Variants in ZNF407 observed in about 807,000 individuals in gnomAD.
ZNF407 encodes the protein zinc finger protein 407.
In ZNF407, 17 loss-of-function variants were observed where a neutral mutation model predicts 131.2. That is an observed-to-expected ratio of 0.13 (90% CI 0.09 to 0.19). ZNF407 has a LOEUF of 0.19. ZNF407 is among the 10% of genes least tolerant of loss of function. ZNF407 has a pLI of 1.00. For synonymous variants in ZNF407, 1,156 were observed against 1,062.0 expected (o/e 1.09, Z -1.72); for missense variants, 2,681 against 2,830.6 (o/e 0.95, Z 1.20).
chr18:75,063,502 A>G lies in ZNF407; in HGVS notation c.5781A>G (p.Gly1927=), dbSNP rs1336436519. ...SGAHVGSVVP[G]PILPEQLADG... ...CACATGTAGGCAGCGTGGTGCCCGG[A>G]CCCATCCTCCCCGAGCAGCTGGCTG... The change falls in exon 9 of 9, where the codon GGA becomes GGG. Residue 1927 remains glycine (G), a synonymous_variant. Transcript: ENST00000299687. This position sits in a 1 kb window ranked among gnomAD's most constrained non-coding sequence, Gnocchi z 6.6. 6.3e-7 allele frequency: 1 copy of G among 1,590,862 alleles called. No homozygotes were observed. Among genetic ancestry groups the G allele is most frequent in the South Asian group, 1.1e-5 (1 of 87,982 alleles).
intron 3 of ZNF407, among the ~76,000 whole-genome samples, chr18:74,701,251 A>G (rs997076621): frequency 8.5e-5 from 13 of 152,172 alleles, no homozygotes; most frequent in Non-Finnish European, 1.9e-4. Context: ...GAGCAGACTG[A>G]GACAGTAGGC....
chr18:74,779,110 T>TATATATATATATATATATATA (rs1555687155), intron 3 of ZNF407, among the ~76,000 whole-genome samples: 2 of 12,482 alleles, frequency 1.6e-4, no homozygotes, highest in Non-Finnish European at 2.8e-4. Flanking sequence ...TATATATATA[T>TATATATATATATATATATATA]TTTTTTTTTT....
At position 74,960,318 on chromosome 18, in the gene ZNF407, A is replaced by G. The variant is rs867422403; in HGVS notation, c.5428+39626A>G. On this transcript the variant is annotated intron_variant, in intron 8 of 8. Transcript: ENST00000299687. ...GAGTGCTTGGTGGAGGGATAGGAGA[A>G]GGTCCTGAGTGAGTGCTTGGTGGAG... is the stretch of plus-strand genomic sequence containing the variant. Among the ~76,000 whole-genome samples the G allele has an allele frequency of 8.0e-3, 1,145 of 143,054 alleles. 14 individuals carry two copies. The highest frequency in any genetic ancestry group is 0.028 in the African/African-American group (1,064 of 37,690). 93.8% of individuals were successfully genotyped at this position (143,054 alleles called of 152,430 possible).
intron 8 of ZNF407, among the ~76,000 whole-genome samples, chr18:74,981,575 C>T (rs569458065): frequency 1.4e-4 from 22 of 152,266 alleles, no homozygotes; most frequent in Middle Eastern, 3.4e-3. Flanking sequence ...TTCTCAAGTA[C>T]TTACTTCAAC....
intron 1 of ZNF407, among the ~76,000 whole-genome samples, chr18:74,621,043 C>T (rs1478561583): frequency 3.3e-5 from 5 of 152,152 alleles, no homozygotes; most frequent in South Asian, 2.1e-4. Context: ...TTTCAGGAAA[C>T]GTTAAGATAT....
intron 3 of ZNF407, among the ~76,000 whole-genome samples, chr18:74,759,908 T>TC (rs1262376374): frequency 6.6e-6 from 1 of 151,480 alleles, no homozygotes; most frequent in Non-Finnish European, 1.5e-5. Flanking sequence ...ACTGCTTTTT[T>TC]CCCCCAGTAT....
intron 3 of ZNF407, among the ~76,000 whole-genome samples, chr18:74,667,736 A>G (rs1173561414): frequency 6.6e-6 from 1 of 152,144 alleles, no homozygotes; most frequent in Admixed American, 6.5e-5. Flanking sequence ...CCTTTTATGA[A>G]CTGTGGTAAT....
intron 3 of ZNF407, among the ~76,000 whole-genome samples, chr18:74,650,256 T>C (rs1426294316): frequency 6.6e-6 from 1 of 152,192 alleles, no homozygotes; most frequent in Non-Finnish European, 1.5e-5. Context: ...AGCTGAAAAG[T>C]TCCTTTTCAG....
intron 3 of ZNF407, among the ~76,000 whole-genome samples, chr18:74,708,401 T>C (rs544113250): frequency 6.6e-6 from 1 of 152,362 alleles, no homozygotes; most frequent in Admixed American, 6.5e-5. Flanking sequence ...CTGTGTTTTA[T>C]GGTTGAAGGT....
chr18:74,908,017 A>G (rs931809276), intron 7 of ZNF407, among the ~76,000 whole-genome samples: 1 of 152,170 alleles, frequency 6.6e-6, no homozygotes, highest in Non-Finnish European at 1.5e-5. Flanking sequence ...TATTTCTCCA[A>G]TTATGAATTG....
At chr18:74,654,584 A>C (rs903129801) in intron 3 of ZNF407, among the ~76,000 whole-genome samples, 3 of 151,890 alleles carry the variant, frequency 2.0e-5, no homozygotes, top group Non-Finnish European at 4.4e-5. Flanking sequence ...TTGGAAAAGT[A>C]GGATAAGAGA....
At chr18:74,978,443 A>G (rs1201468989) in intron 8 of ZNF407, among the ~76,000 whole-genome samples, 1 of 152,178 alleles carries the variant, frequency 6.6e-6, no homozygotes, top group African/African-American at 2.4e-5. Context: ...TCAGAAAGAC[A>G]AAGATGGAGG....
rs1969623356 is a variant in ZNF407, at chr18:74,782,540, C to T, written c.4877+1038C>T. On this transcript the variant is annotated intron_variant, in intron 4 of 8. Transcript: ENST00000299687. ...GCACCCATATGTTTGATTTCATCCC[C>T]TCCGCTCCCCTCCCCTCCTCTTCTC... Among the ~76,000 whole-genome samples, 3 of 146,438 alleles carry T rather than the reference C, an allele frequency of 2.0e-5. 1 individual carries two copies. The South Asian group carries it at 6.6e-4, about 32-fold the overall frequency.
chr18:74,952,355 G>A (rs536752877), intron 8 of ZNF407, among the ~76,000 whole-genome samples: 41 of 152,122 alleles, frequency 2.7e-4, no homozygotes, highest in Non-Finnish European at 5.0e-4. Flanking sequence ...CTGGTGCTGC[G>A]CTGTCATGCT....
At chr18:74,757,305 G>A (rs1420592462) in intron 3 of ZNF407, among the ~76,000 whole-genome samples, 1 of 151,860 alleles carries the variant, frequency 6.6e-6, no homozygotes, top group East Asian at 1.9e-4. Context: ...ATTTCCCTGT[G>A]TCTATTGCTT....
chr18:75,063,388 G>A lies in ZNF407; in HGVS notation c.5667G>A (p.Thr1889=), dbSNP rs371171040. The A allele has an allele frequency of 2.0e-5, 33 of 1,610,944 alleles. No homozygotes were observed. The highest frequency in any genetic ancestry group is 2.5e-5 in the Non-Finnish European group (30 of 1,179,064). Residue 1889 remains threonine, a synonymous_variant, in exon 9 of 9, where the codon ACG becomes ACA. Coordinates refer to ENST00000299687, the MANE Select transcript of ZNF407 (RefSeq NM_017757.3). The surrounding 1 kb of genome is among the most constrained non-coding windows in gnomAD (Gnocchi z 6.6). ...CGGTGGAGGAGACGGCCGCCGCCAC[G>A]CTGCAGACGCTGGCCATGGCCGGCC... ...DPSVEETAAA[T]LQTLAMAGQV... is the part of the protein sequence containing the mutation.
intron 8 of ZNF407, among the ~76,000 whole-genome samples, chr18:74,922,338 C>G (rs1413197452): frequency 6.6e-6 from 1 of 152,170 alleles, no homozygotes; most frequent in Non-Finnish European, 1.5e-5. Context: ...GTGTCCTCCT[C>G]GAGGTGGCCT....
At chr18:74,605,896 C>T (rs931068255) in intron 1 of ZNF407, among the ~76,000 whole-genome samples, 8 of 152,238 alleles carry the variant, frequency 5.3e-5, no homozygotes, top group African/African-American at 1.9e-4. Flanking sequence ...CAAGGAGATT[C>T]TAGTTCCTGG....
At chr18:74,804,278 A>G in intron 4 of ZNF407, 2 of 1,197,108 alleles carry the variant, frequency 1.7e-6, no homozygotes, top group South Asian at 7.5e-5. Context: ...ACTCAGTTTT[A>G]TAAAATTGTC....
Sources: allele counts gnomAD v4.1 joint callset (sites outside exome capture counted in the v4.1 genomes callset), GRCh38; gene constraint gnomAD v4.1.1; non-coding constraint Gnocchi (gnomAD v3.1); transcripts MANE v1.5; gene names NCBI Gene and HGNC (gene_info 2026-07-23, HGNC 2026-07-21).